Variants in CCBE1 observed in about 807,000 individuals in gnomAD.
The protein encoded by CCBE1 is collagen and calcium binding EGF domains 1, also known as collagen and calcium-binding EGF domain-containing protein 1.
A neutral mutation model predicts 50.0 loss-of-function variants in CCBE1; 37 were observed. The observed-to-expected ratio is 0.74, with a 90% CI of 0.57 to 0.97. The LOEUF is 0.97. CCBE1 is among the 50% of genes least tolerant of loss of function. The pLI is 0.00. For synonymous variants in CCBE1, 234 were observed against 203.7 expected (o/e 1.15, Z -1.27); for missense variants, 538 against 523.8 (o/e 1.03, Z -0.26).
intron 2 of CCBE1, among the ~76,000 whole-genome samples, chr18:59,648,475 C>T (rs1016436114): frequency 2.0e-5 from 3 of 152,136 alleles, no homozygotes; most frequent in Admixed American, 1.3e-4. Flanking sequence ...AAGGCTGACA[C>T]GGATGGATCA....
intron 3 of CCBE1, among the ~76,000 whole-genome samples, chr18:59,475,749 G>A (rs563914815): frequency 2.7e-4 from 41 of 151,858 alleles, no homozygotes; most frequent in African/African-American, 8.9e-4. Flanking sequence ...ATGGAGTCTC[G>A]TTCTGTCACC....
intron 2 of CCBE1, among the ~76,000 whole-genome samples, chr18:59,577,344 A>G (rs2053013497): frequency 1.3e-5 from 2 of 152,314 alleles, no homozygotes; most frequent in Non-Finnish European, 2.9e-5. Flanking sequence ...AACAAAAACC[A>G]AGTCTGGCAG....
At chr18:59,557,562 G>C (rs545973048) in intron 2 of CCBE1, among the ~76,000 whole-genome samples, 20 of 152,210 alleles carry the variant, frequency 1.3e-4, no homozygotes, top group Middle Eastern at 3.4e-3. Flanking sequence ...ACCTCTGATT[G>C]GTCCCCTCCT....
intron 2 of CCBE1, among the ~76,000 whole-genome samples, chr18:59,540,997 A>T (rs1481415966): frequency 1.3e-5 from 2 of 152,226 alleles, no homozygotes; most frequent in East Asian, 3.8e-4. Context: ...GAAGAATCAC[A>T]TAAGAATCTT....
At chr18:59,578,104 T>C (rs2435196) in intron 2 of CCBE1, among the ~76,000 whole-genome samples, 16,195 of 151,884 alleles carry the variant, frequency 0.11, 970 homozygotes, top group African/African-American at 0.16. Context: ...GGAACTGAAA[T>C]GTACAAGAAA....
chr18:59,542,730 C>G (rs35157814), intron 2 of CCBE1, among the ~76,000 whole-genome samples: 42,501 of 152,114 alleles, frequency 0.28, 6,162 homozygotes, highest in African/African-American at 0.33. Context: ...CTTTGGAATG[C>G]CTCTGAAGTG....
chr18:59,671,821 A>G (rs59969374), intron 2 of CCBE1, among the ~76,000 whole-genome samples: 7,745 of 139,664 alleles, frequency 0.055, 708 homozygotes, highest in African/African-American at 0.2. Context: ...TTAAAAAAAA[A>G]GGGGGGGGGT....
chr18:59,671,963 C>A (rs1290830132), intron 2 of CCBE1, among the ~76,000 whole-genome samples: 1 of 152,064 alleles, frequency 6.6e-6, no homozygotes, highest in Non-Finnish European at 1.5e-5. Flanking sequence ...TAAGGCAAAG[C>A]CTGCAAAACC....
intron 2 of CCBE1, among the ~76,000 whole-genome samples, chr18:59,634,508 C>G (rs1475386988): frequency 6.6e-6 from 1 of 152,146 alleles, no homozygotes; most frequent in Non-Finnish European, 1.5e-5. Flanking sequence ...TGGACTGCCA[C>G]AGATTATGAC....
intron 2 of CCBE1, among the ~76,000 whole-genome samples, chr18:59,574,684 A>G (rs930894651): frequency 2.6e-5 from 4 of 152,238 alleles, no homozygotes; most frequent in African/African-American, 9.6e-5. Context: ...ATTCTCTGTT[A>G]TACTGTAGCC....
intron 2 of CCBE1, among the ~76,000 whole-genome samples, chr18:59,529,450 G>A (rs1468385451): frequency 6.6e-6 from 1 of 152,254 alleles, no homozygotes; most frequent in Non-Finnish European, 1.5e-5. Context: ...TGGAGAATCT[G>A]CACAGCTCTG....
At chr18:59,474,674 G>C (rs533547259) in intron 3 of CCBE1, among the ~76,000 whole-genome samples, 173 of 152,270 alleles carry the variant, frequency 1.1e-3, no homozygotes, top group African/African-American at 2.4e-3. Context: ...TCTGTCTTCT[G>C]TCTGGTTGTG....
chr18:59,563,829 T>C (rs1056303229), intron 2 of CCBE1: 5 of 152,180 alleles, frequency 3.3e-5, no homozygotes, highest in Non-Finnish European at 7.3e-5. Context: ...GGTACCTCGA[T>C]GTTTAGAGGG....
intron 2 of CCBE1, among the ~76,000 whole-genome samples, chr18:59,631,214 G>GA (rs368824658): frequency 0.036 from 5,232 of 147,038 alleles, 297 homozygotes; most frequent in African/African-American, 0.12. Flanking sequence ...ATGATCTGGA[G>GA]AAAAAAAAAA....
Position 59,463,109 on chromosome 18 carries a change from T to C in CCBE1, c.553+3630A>G, listed in dbSNP as rs558676947. On this transcript the variant is annotated intron_variant, in intron 5 of 10. Transcript: ENST00000439986. ...TTCATTTCTCAGGGAAGGAAAGAGG[T>C]GCATGTAGTCCCAGTGCTGACTTAG... 2.6e-5 allele frequency among the ~76,000 whole-genome samples: 4 copies of C among 152,296 alleles called. 1 individual carries two copies. The South Asian group carries it at 8.3e-4, about 32-fold the overall frequency.
chr18:59,640,457 A>G (rs1313866801), intron 2 of CCBE1, among the ~76,000 whole-genome samples: 1 of 152,124 alleles, frequency 6.6e-6, no homozygotes, highest in Non-Finnish European at 1.5e-5. Flanking sequence ...GGACCCCTTC[A>G]TTACACATAT....
At chr18:59,574,081 T>TA (rs2052955338) in intron 2 of CCBE1, among the ~76,000 whole-genome samples, 2 of 152,156 alleles carry the variant, frequency 1.3e-5, no homozygotes, top group South Asian at 4.1e-4. Flanking sequence ...CAGCTGGGAC[T>TA]AAAAAAGGCT....
In CCBE1 at chr18:59,435,821, T is replaced by A; in HGVS notation, c.*87A>T. 8.9e-7 allele frequency: 1 copy of A among 1,120,078 alleles called. No homozygotes were observed. The highest frequency in any genetic ancestry group is 1.4e-6 in the Non-Finnish European group (1 of 730,132). 69.4% of individuals were successfully genotyped at this position (1,120,078 alleles called of 1,614,324 possible). On this transcript the variant is annotated 3_prime_UTR_variant, in exon 11 of 11. Coordinates refer to ENST00000439986, the MANE Select transcript of CCBE1 (RefSeq NM_133459.4). ...AAGAGAAAAATGTATGTTTTCTAGGTCTCCAGTGGTCTTTCTTCTCTTTAG... is the reference window on the plus strand; with the variant it reads ...AAGAGAAAAATGTATGTTTTCTAGGACTCCAGTGGTCTTTCTTCTCTTTAG...
chr18:59,576,492 C>A (rs537170400), intron 2 of CCBE1, among the ~76,000 whole-genome samples: 1 of 152,140 alleles, frequency 6.6e-6, no homozygotes, highest in East Asian at 1.9e-4. Flanking sequence ...GGGGACAATG[C>A]CTAAGACTTG....
Sources: allele counts gnomAD v4.1 joint callset (sites outside exome capture counted in the v4.1 genomes callset), GRCh38; gene constraint gnomAD v4.1.1; transcripts MANE v1.5; gene names NCBI Gene and HGNC (gene_info 2026-07-23, HGNC 2026-07-21).